The following NCS1 variants were observed in gnomAD, a reference collection of about 807,000 sequenced individuals.
NCS1 encodes neuronal calcium sensor 1.
NCS1 carries 6 observed loss-of-function variants against 28.4 expected under a neutral mutation model. That is an observed-to-expected ratio of 0.21 (90% CI 0.12 to 0.42). NCS1 has a LOEUF of 0.42. Among genes scored for constraint, NCS1 ranks in the 10% least tolerant of loss-of-function variants. NCS1 has a pLI of 1.00. For missense variants in NCS1, 131 were observed against 241.4 expected (o/e 0.54, Z 3.03); for synonymous variants, 86 against 99.3 (o/e 0.87, Z 0.79).
intron 1 of NCS1, among the ~76,000 whole-genome samples, chr9:130,179,184 T>C (rs1832622494): frequency 6.6e-6 from 1 of 151,736 alleles, no homozygotes; most frequent in African/African-American, 2.4e-5. Context: ...TCACTCACCT[T>C]GGCCTCCCAA....
chr9:130,215,000 G>A (rs1358619833), intron 2 of NCS1, among the ~76,000 whole-genome samples: 3 of 152,244 alleles, frequency 2.0e-5, no homozygotes, highest in African/African-American at 7.2e-5. Context: ...GCCCCTGTGA[G>A]CCATCTGCAG....
chr9:130,229,670 A>G (rs1361072107), intron 7 of NCS1, among the ~76,000 whole-genome samples: 2 of 152,198 alleles, frequency 1.3e-5, no homozygotes, highest in Admixed American at 6.5e-5. Context: ...TATTATTTCC[A>G]TGACAAGCTT....
rs548431952 is a variant in NCS1, at chr9:130,182,362, G to A, written c.64+9635G>A. 2.2e-3 allele frequency among the ~76,000 whole-genome samples: 338 copies of A among 152,292 alleles called. 1 individual carries two copies. Among genetic ancestry groups the A allele is most frequent in the Non-Finnish European group, 3.8e-3 (259 of 68,018 alleles). On this transcript the variant is annotated intron_variant, in intron 1 of 7. Coordinates refer to ENST00000372398, the MANE Select transcript of NCS1 (RefSeq NM_014286.4). ...CTTGGAGTTCCCTGCCAAGGGGAGGGAGCGCCCAGTCCCTGGGAGCATCCA... is the reference window on the plus strand; with the variant it reads ...CTTGGAGTTCCCTGCCAAGGGGAGGAAGCGCCCAGTCCCTGGGAGCATCCA...
chr9:130,236,107 A>C lies in NCS1; in HGVS notation c.*3135A>C, dbSNP rs1363011956. The C allele has an allele frequency of 6.6e-6, 1 of 152,196 alleles. No individual in the cohort carries two copies. Among genetic ancestry groups the C allele is most frequent in the East Asian group, 1.9e-4 (1 of 5,196 alleles). 9.4% of individuals were successfully genotyped at this position (152,196 alleles called of 1,614,324 possible). A position where few individuals can be genotyped will look rare whatever the true frequency, so the allele number is the denominator to read the frequency against. ...CCCCTGAAATGCTTTTCAGTTTGAC[A>C]GCCCGTTTCCTAGACAAGTGCACCT... On this transcript the variant is annotated 3_prime_UTR_variant, in exon 8 of 8. Coordinates refer to ENST00000372398, the MANE Select transcript of NCS1 (RefSeq NM_014286.4).
chr9:130,190,032 AAGAGAGAGAGAGAGAG>A (rs34529294), intron 1 of NCS1, among the ~76,000 whole-genome samples: 1 of 120,468 alleles, frequency 8.3e-6, no homozygotes, highest in Non-Finnish European at 1.7e-5. Context: ...ATGTTTATGC[AAGAGAGAGAGAGAGAG>A]AGAGAGAGAG....
intron 2 of NCS1, among the ~76,000 whole-genome samples, chr9:130,202,343 C>T (rs1475563794): frequency 3.7e-5 from 5 of 135,888 alleles, no homozygotes; most frequent in Non-Finnish European, 8.0e-5. Context: ...ACCTCCTCGC[C>T]CCTCCCCCCC....
chr9:130,189,591 C>T (rs1832786835), intron 1 of NCS1, among the ~76,000 whole-genome samples: 1 of 152,038 alleles, frequency 6.6e-6, no homozygotes, highest in Non-Finnish European at 1.5e-5. Flanking sequence ...CCTGTAATCC[C>T]AGGACTTTGA....
At chr9:130,229,724 A>T (rs547078346) in intron 7 of NCS1, among the ~76,000 whole-genome samples, 1 of 152,274 alleles carries the variant, frequency 6.6e-6, no homozygotes, top group African/African-American at 2.4e-5. Flanking sequence ...CCCCCTTTCT[A>T]TTAGCTCTGC....
At chr9:130,205,326 G>C (rs1374977855) in intron 2 of NCS1, among the ~76,000 whole-genome samples, 1 of 151,932 alleles carries the variant, frequency 6.6e-6, no homozygotes, top group East Asian at 1.9e-4. Flanking sequence ...AGCAAAACAG[G>C]GACCCTCAGC....
At chr9:130,200,901 C>T (rs1319269859) in intron 1 of NCS1, 57 bp from the exon 2 acceptor site, 1 of 1,610,594 alleles carries the variant, frequency 6.2e-7, no homozygotes, top group Non-Finnish European at 8.5e-7. Context: ...AATGTCTGCC[C>T]ATCTCCCGGG....
rs200897142 is a variant in NCS1 at position 130,223,173 on chromosome 9, G to A, written c.474+14G>A. 4 of 1,584,638 alleles carry A rather than the reference G, an allele frequency of 2.5e-6. No individual in the cohort carries two copies. The highest frequency in any genetic ancestry group is 3.5e-6 in the Non-Finnish European group (4 of 1,153,628). ...ATGATGGATAAGGTGAGGTGGGGGG[G>A]CGGGGCTGGTCCTGGACCAGGGAGG... On this transcript the variant is annotated intron_variant, in intron 6 of 7. Coordinates refer to ENST00000372398, the MANE Select transcript of NCS1 (RefSeq NM_014286.4).
intron 1 of NCS1, among the ~76,000 whole-genome samples, chr9:130,173,199 T>TGGGGAG (rs561408660): frequency 0.024 from 2,837 of 119,750 alleles, 105 homozygotes; most frequent in African/African-American, 0.087. Flanking sequence ...CCCGTTCGTG[T>TGGGGAG]GGGGGGGGGG....
At position 130,186,255 on chromosome 9, in the gene NCS1, G is replaced by C. The variant is rs2131122352; in HGVS notation, c.64+13528G>C. ...CTGCTGGCATTCACAGTTTGGCGGG[G>C]AGGCAGATGTCAGGCTGGGATAAGC... is the stretch of plus-strand genomic sequence containing the variant. On this transcript the variant is annotated intron_variant, in intron 1 of 7. Coordinates refer to ENST00000372398, the MANE Select transcript of NCS1 (RefSeq NM_014286.4). This position sits in a 1 kb window ranked among gnomAD's most constrained non-coding sequence, Gnocchi z 4.1. Among the ~76,000 whole-genome samples the C allele has an allele frequency of 6.6e-6, 1 of 152,318 alleles. No homozygotes were observed. The highest frequency in any genetic ancestry group is 6.5e-5 in the Admixed American group (1 of 15,306).
chr9:130,176,058 G>T (rs1832559872), intron 1 of NCS1, among the ~76,000 whole-genome samples: 1 of 152,178 alleles, frequency 6.6e-6, no homozygotes, highest in African/African-American at 2.4e-5. Context: ...GGTAACTCAT[G>T]TGCAGTGTGG....
In NCS1 at chr9:130,215,490, C is replaced by T. The variant is rs549616316; in HGVS notation, c.90-2342C>T. On this transcript the variant is annotated intron_variant, in intron 2 of 7. Coordinates refer to ENST00000372398, the MANE Select transcript of NCS1 (RefSeq NM_014286.4). This position sits in a 1 kb window ranked among gnomAD's most constrained non-coding sequence, Gnocchi z 4.2. Reference sequence around the variant, plus strand: ...GCTGCAGGGATTCTGGGTGGGCCTGCGGACATCACATGCACGGGAGGGACG... The same window carrying T: ...GCTGCAGGGATTCTGGGTGGGCCTGTGGACATCACATGCACGGGAGGGACG... Among the ~76,000 whole-genome samples the T allele has an allele frequency of 1.7e-4, 26 of 152,252 alleles. No individual in the cohort carries two copies. In the South Asian group the frequency reaches 3.7e-3, roughly 22 times the overall value.
intron 1 of NCS1, among the ~76,000 whole-genome samples, chr9:130,195,692 G>A (rs560582489): frequency 6.6e-6 from 1 of 152,346 alleles, no homozygotes; most frequent in East Asian, 1.9e-4. Flanking sequence ...CCAAAGTGTT[G>A]GGATTACGGG....
rs1180307975 is a variant in NCS1, at chr9:130,176,171, TTTCTTTCTTTCTTTCTTTCTTTC to T, written c.64+3447_64+3469del. 1.2e-3 allele frequency among the ~76,000 whole-genome samples: 81 copies of T among 67,048 alleles called. 8 individuals carry two copies. The East Asian group carries it at 0.013, about 11-fold the overall frequency. The allele number at this position is 67,048 out of a possible 152,430, so 44.0% of individuals were successfully genotyped here. A position where few individuals can be genotyped will look rare whatever the true frequency, so the allele number is the denominator to read the frequency against. ...CTTTCTTTCTTTCTTTCTTTCTTTC[TTTCTTTCTTTCTTTCTTTCTTTC>T]TTTTTTTTTTTTTTTGGAGACAGGG... On this transcript the variant is annotated intron_variant, in intron 1 of 7. Coordinates refer to ENST00000372398, the MANE Select transcript of NCS1 (RefSeq NM_014286.4).
chr9:130,209,873 G>C lies in NCS1; in HGVS notation c.90-7959G>C, dbSNP rs1554908543. 6.6e-6 allele frequency among the ~76,000 whole-genome samples: 1 copy of C among 152,118 alleles called. No individual in the cohort carries two copies. The highest frequency in any genetic ancestry group is 1.9e-4 in the East Asian group (1 of 5,192). ...AGAAACCTCGGCTTCCCGTGGCTGG[G>C]GATCGCAGGCCCCGTTCTTCACAGC... On this transcript the variant is annotated intron_variant, in intron 2 of 7. Coordinates refer to ENST00000372398, the MANE Select transcript of NCS1 (RefSeq NM_014286.4). The surrounding 1 kb of genome is among the most constrained non-coding windows in gnomAD (Gnocchi z 4.4).
intron 4 of NCS1, among the ~76,000 whole-genome samples, chr9:130,221,440 A>G (rs1283000824): frequency 1.4e-5 from 2 of 142,852 alleles, no homozygotes; most frequent in Non-Finnish European, 3.0e-5. Context: ...AGAGAGAGAG[A>G]GAGAGAGAGA....
Sources: gnomAD v4.1 joint callset for allele counts (sites outside exome capture counted in the v4.1 genomes callset) on GRCh38, gnomAD v4.1.1 for gene constraint, Gnocchi (gnomAD v3.1) non-coding constraint, MANE v1.5 for transcripts, NCBI Gene and HGNC (gene_info 2026-07-23, HGNC 2026-07-21) for gene names.